The following DLG2 variants were observed in gnomAD, a reference collection of about 807,000 sequenced individuals.
DLG2 encodes discs large MAGUK scaffold protein 2.
In DLG2, 45 loss-of-function variants were observed where a neutral mutation model predicts 132.5. The observed-to-expected ratio is 0.34, with a 90% CI of 0.27 to 0.44. The LOEUF (loss-of-function observed/expected upper bound fraction) is 0.44, where lower values mean the gene tolerates loss of function less well. Ranked by LOEUF, DLG2 falls within the 20% of genes least tolerant of loss-of-function variation. The probability of loss-of-function intolerance (pLI) is 1.00; values close to 1 mark genes in which losing one functional copy is unlikely to be tolerated. For synonymous variants in DLG2, 424 were observed against 419.6 expected, an observed-to-expected ratio of 1.01 and a Z score of -0.13; for missense variants, 1,045 against 1,196.9, an observed-to-expected ratio of 0.87 and a Z score of 1.87.
intron 19 of DLG2, among the ~76,000 whole-genome samples, chr11:83,589,731 G>A (rs1364521659): frequency 6.6e-6 from 1 of 151,320 alleles, no homozygotes; most frequent in Non-Finnish European, 1.5e-5. Flanking sequence ...GCAGTGTGCT[G>A]TATTCAGGAA....
At chr11:85,477,926 C>T (rs1043665326) in intron 3 of DLG2, among the ~76,000 whole-genome samples, 2 of 152,212 alleles carry the variant, frequency 1.3e-5, no homozygotes, top group Non-Finnish European at 2.9e-5. Flanking sequence ...TCTTAGCACA[C>T]ATTAAGACAG....
At chr11:85,477,745 A>G (rs1353155478) in intron 3 of DLG2, among the ~76,000 whole-genome samples, 3 of 152,242 alleles carry the variant, frequency 2.0e-5, no homozygotes, top group Non-Finnish European at 4.4e-5. Context: ...GTGCCAAAAA[A>G]GAGTAACATG....
chr11:83,995,327 G>A lies in DLG2; in HGVS notation c.920-14685C>T, dbSNP rs140392894. 5.9e-5 allele frequency among the ~76,000 whole-genome samples: 9 copies of A among 152,254 alleles called. No individual in the cohort carries two copies. In the East Asian group the frequency reaches 1.7e-3, roughly 29 times the overall value. ...ACTTCCAGGAGATAATGACAGTCAA[G>A]TGCAAGTCCACATGTAGAAATAGAG... On this transcript the variant is annotated intron_variant, in intron 11 of 27. Transcript: ENST00000376104.
chr11:85,359,923 G>C (rs905982945), intron 3 of DLG2, among the ~76,000 whole-genome samples: 1 of 152,108 alleles, frequency 6.6e-6, no homozygotes, highest in African/African-American at 2.4e-5. Flanking sequence ...TGAAAAAAAT[G>C]GTTTATATAA....
At chr11:84,097,425 C>T (rs1278574711) in intron 10 of DLG2, among the ~76,000 whole-genome samples, 3 of 152,098 alleles carry the variant, frequency 2.0e-5, no homozygotes, top group Admixed American at 6.6e-5. Context: ...TTACCCTTGA[C>T]GTTTTCTCTC....
chr11:85,393,026 A>G (rs186157696), intron 3 of DLG2, among the ~76,000 whole-genome samples: 69 of 152,330 alleles, frequency 4.5e-4, no homozygotes, highest in South Asian at 4.1e-4. Flanking sequence ...AATAATCAGC[A>G]GAATTAACAG....
At chr11:84,606,310 TAAC>T (rs2099585565) in intron 6 of DLG2, among the ~76,000 whole-genome samples, 1 of 152,132 alleles carries the variant, frequency 6.6e-6, no homozygotes, top group Non-Finnish European at 1.5e-5. Context: ...GCGTACATGA[TAAC>T]AATTTGTAAA....
chr11:85,164,980 A>C (rs1362452548), intron 4 of DLG2, among the ~76,000 whole-genome samples: 2 of 152,134 alleles, frequency 1.3e-5, no homozygotes, highest in Non-Finnish European at 2.9e-5. Context: ...CAACCTACTG[A>C]ATCAAACCAG....
intron 8 of DLG2, among the ~76,000 whole-genome samples, chr11:84,201,460 T>C (rs537262275): frequency 6.6e-6 from 1 of 152,182 alleles, no homozygotes; most frequent in Non-Finnish European, 1.5e-5. Flanking sequence ...GCTGGCCTCA[T>C]AGAATGAGTT....
intron 11 of DLG2, among the ~76,000 whole-genome samples, chr11:84,030,875 C>T (rs1054346380): frequency 2.0e-5 from 3 of 152,070 alleles, no homozygotes; most frequent in Non-Finnish European, 2.9e-5. Flanking sequence ...AAGGGGTGCT[C>T]ATTAAAGAGA....
intron 10 of DLG2, among the ~76,000 whole-genome samples, chr11:84,061,579 G>A (rs1006300967): frequency 6.6e-6 from 1 of 152,104 alleles, no homozygotes; most frequent in Non-Finnish European, 1.5e-5. Context: ...CTAATGTGAT[G>A]AATAGTTTCA....
intron 6 of DLG2, among the ~76,000 whole-genome samples, chr11:84,667,558 G>A (rs2153686829): frequency 7.3e-6 from 1 of 137,216 alleles, no homozygotes; most frequent in South Asian, 2.4e-4. Context: ...GTACAGTGGT[G>A]CGACCTCAGC....
intron 5 of DLG2, among the ~76,000 whole-genome samples, chr11:85,151,059 T>A (rs1594862658): frequency 6.6e-6 from 1 of 152,194 alleles, no homozygotes; most frequent in East Asian, 1.9e-4. Flanking sequence ...ACAGCAGGCA[T>A]CCTAATGGGT....
intron 6 of DLG2, among the ~76,000 whole-genome samples, chr11:84,574,159 T>C (rs1306848827): frequency 6.6e-6 from 1 of 151,966 alleles, no homozygotes; most frequent in Non-Finnish European, 1.5e-5. Flanking sequence ...TGAAACAGAG[T>C]ATCTGACAGA....
intron 6 of DLG2, among the ~76,000 whole-genome samples, chr11:85,052,275 T>C (rs558339890): frequency 2.6e-5 from 4 of 152,338 alleles, no homozygotes; most frequent in East Asian, 1.9e-4. Flanking sequence ...GTTCATAGTC[T>C]ATTTCTAAAT....
At chr11:85,239,177 G>C (rs1205543746) in intron 4 of DLG2, among the ~76,000 whole-genome samples, 2 of 152,000 alleles carry the variant, frequency 1.3e-5, no homozygotes, top group African/African-American at 4.8e-5. Context: ...CCTTTATTAA[G>C]CAGAAACTCA....
intron 17 of DLG2, among the ~76,000 whole-genome samples, chr11:83,831,683 A>G (rs1418693020): frequency 6.6e-6 from 1 of 152,232 alleles, no homozygotes; most frequent in Non-Finnish European, 1.5e-5. Context: ...ATGCACAATG[A>G]AAACCACAAA....
At chr11:85,331,830 G>T (rs1277959417) in intron 3 of DLG2, among the ~76,000 whole-genome samples, 1 of 152,194 alleles carries the variant, frequency 6.6e-6, no homozygotes, top group Non-Finnish European at 1.5e-5. Flanking sequence ...GTATTTCATG[G>T]TGTAAATGTA....
In DLG2 at chr11:83,472,754, A is replaced by G. The variant is rs1054075147; in HGVS notation, c.2317T>C (p.Ser773Pro). Residue 773 changes from serine to proline, a missense_variant, in exon 23 of 28, where the codon TCC becomes CCC. Around this residue, in one of 4 missense-constraint regions of DLG2, gnomAD observed 398 missense variants for 543.6 expected, o/e 0.73. Coordinates refer to ENST00000376104, the MANE Select transcript of DLG2 (RefSeq NM_001142699.3). ...TCCTGCCTTGTAACAGGCTCATAGG[A>G]AAGAATGAGGTCTTCTTGTCCTCCT... Reference protein sequence around the residue: ...PERGQEDLILSYEPVTRQEIN... With the variant: ...PERGQEDLILPYEPVTRQEIN... The G allele has an allele frequency of 2.5e-6, 4 of 1,612,286 alleles. No homozygotes were observed. Among genetic ancestry groups the G allele is most frequent in the Non-Finnish European group, 3.4e-6 (4 of 1,178,952 alleles).
Sources: allele counts gnomAD v4.1 joint callset (sites outside exome capture counted in the v4.1 genomes callset), GRCh38; gene constraint gnomAD v4.1.1; regional missense constraint gnomAD v4.1.1; transcripts MANE v1.5; gene names NCBI Gene and HGNC (gene_info 2026-07-23, HGNC 2026-07-21).